The following SAMD3 variants were observed in gnomAD, a reference collection of about 807,000 sequenced individuals.
The protein encoded by SAMD3 is sterile alpha motif domain-containing protein 3.
In SAMD3, 63 loss-of-function variants were observed where a neutral mutation model predicts 58.5. The ratio of observed to expected loss-of-function variants is 1.08; its 90% CI spans 0.88 to 1.33. The LOEUF is 1.33. Among genes scored for constraint, SAMD3 ranks in the 40% most tolerant of loss-of-function variants. SAMD3 has a pLI of 0.00. For synonymous variants in SAMD3, 220 were observed against 210.3 expected (o/e 1.05, Z -0.40); for missense variants, 604 against 608.4 (o/e 0.99, Z 0.08).
chr6:130,340,185 C>T (rs1410049202), intron 1 of SAMD3, among the ~76,000 whole-genome samples: 1 of 152,176 alleles, frequency 6.6e-6, no homozygotes, highest in African/African-American at 2.4e-5. Flanking sequence ...TTAAGCAATG[C>T]AAATTTGTTT....
At chr6:130,240,262 T>A (rs1009401592) in intron 2 of SAMD3, among the ~76,000 whole-genome samples, 2 of 151,960 alleles carry the variant, frequency 1.3e-5, no homozygotes, top group Non-Finnish European at 2.9e-5. Context: ...TCCTCTGGAG[T>A]CCCAAGGCAC....
intron 4 of SAMD3, among the ~76,000 whole-genome samples, chr6:130,211,276 ATTTTTTTTTT>A (rs762531402): frequency 1.1e-5 from 1 of 93,840 alleles, no homozygotes; most frequent in Non-Finnish European, 2.3e-5. Context: ...GCCAATCAGA[ATTTTTTTTTT>A]TTTTTTTTTT....
chr6:130,216,982 T>C (rs984370029), intron 1 of SAMD3, among the ~76,000 whole-genome samples: 23 of 152,246 alleles, frequency 1.5e-4, no homozygotes, highest in African/African-American at 5.5e-4. Flanking sequence ...GATACTGCCT[T>C]GTAGTCATCG....
downstream of SAMD3, chr6:130,143,690 A>G (rs1394360988): frequency 6.6e-6 from 1 of 152,238 alleles, no homozygotes; most frequent in Non-Finnish European, 1.5e-5. Context: ...TCCAAAGCTA[A>G]TAAGTCATGT....
chr6:130,352,678 GCTCA>G (rs1241889281), intron 1 of SAMD3, among the ~76,000 whole-genome samples: 2 of 152,122 alleles, frequency 1.3e-5, no homozygotes, highest in Non-Finnish European at 2.9e-5. Flanking sequence ...TGGTCTTCAT[GCTCA>G]CTGAGTTAGA....
intron 2 of SAMD3, among the ~76,000 whole-genome samples, chr6:130,300,743 G>A (rs1310109920): frequency 6.6e-6 from 1 of 152,118 alleles, no homozygotes; most frequent in Non-Finnish European, 1.5e-5. Flanking sequence ...GGATTTCTCT[G>A]AAAGACTCCT....
chr6:130,363,989 T>G (rs1187954186), intron 1 of SAMD3, among the ~76,000 whole-genome samples: 1 of 152,198 alleles, frequency 6.6e-6, no homozygotes, highest in Non-Finnish European at 1.5e-5. Flanking sequence ...TGAGATTCCC[T>G]TGAGCACTCA....
At chr6:130,320,456 T>C (rs997821486) in intron 1 of SAMD3, among the ~76,000 whole-genome samples, 3 of 152,186 alleles carry the variant, frequency 2.0e-5, no homozygotes, top group African/African-American at 4.8e-5. Context: ...GAATGGAAAA[T>C]GGTCCTGCCA....
rs56707260 is a variant in SAMD3, at chr6:130,180,953, C to CTTTCTTTT, written c.654+3149_654+3150insAAAAGAAA. ...TTTTCTTTTTTCTTTTTCTTTCTTT[C>CTTTCTTTT]TTTTTTCTTTTGAGACGGAGTTCCG... On this transcript the variant is annotated intron_variant, in intron 7 of 11. Transcript: ENST00000439090. 8.5e-5 allele frequency among the ~76,000 whole-genome samples: 10 copies of CTTTCTTTT among 117,362 alleles called. 2 individuals are homozygous for CTTTCTTTT. Among genetic ancestry groups the CTTTCTTTT allele is most frequent in the Admixed American group, 1.8e-4 (2 of 10,962 alleles). The allele number at this position is 117,362 out of a possible 152,430, so 77.0% of individuals were successfully genotyped here.
chr6:130,144,230 C>T (rs1788411909), downstream of SAMD3: 2 of 378,386 alleles, frequency 5.3e-6, no homozygotes, highest in East Asian at 1.1e-4. Flanking sequence ...GATTTGAGTA[C>T]AGTGTATTTC....
rs199757748 is a variant in SAMD3 at position 130,349,203 on chromosome 6, T to G, written c.-304+15917A>C. On this transcript the variant is annotated intron_variant, in intron 1 of 13. Transcript: ENST00000368134. ...CAAGAGCAAACACATTCAAAAGCTA[T>G]CAGAAGGCAAGAAATAACTAAGATC... Among the ~76,000 whole-genome samples, 543 of 145,080 alleles carry G rather than the reference T, an allele frequency of 3.7e-3. 6 individuals carry two copies. Among genetic ancestry groups the G allele is most frequent in the African/African-American group, 0.012 (482 of 38,826 alleles).
chr6:130,233,883 T>C (rs547088685), intron 2 of SAMD3, among the ~76,000 whole-genome samples: 2 of 152,258 alleles, frequency 1.3e-5, no homozygotes, highest in Non-Finnish European at 2.9e-5. Context: ...GATAATCTTT[T>C]CATATACTCT....
At position 130,194,618 on chromosome 6, in the gene SAMD3, GT is replaced by G. The variant is rs575933934; in HGVS notation, c.384-9996del. 6.6e-5 allele frequency among the ~76,000 whole-genome samples: 10 copies of G among 152,294 alleles called. No individual in the cohort carries two copies. The East Asian group carries it at 1.9e-3, about 29-fold the overall frequency. On this transcript the variant is annotated intron_variant, in intron 5 of 11. Coordinates refer to ENST00000439090, the MANE Select transcript of SAMD3 (RefSeq NM_001017373.4). ...CTCCTCTCCCAGGAGCTTGCTACAA[GT>G]GCCAGAAATCTGGCCACTGGGCCAA... is the stretch of plus-strand genomic sequence containing the variant.
chr6:130,194,564 A>C (rs953128981), intron 5 of SAMD3, among the ~76,000 whole-genome samples: 12 of 152,186 alleles, frequency 7.9e-5, no homozygotes, highest in African/African-American at 2.9e-4. Context: ...AAATGCCTGA[A>C]CCACAGCGGC....
chr6:130,170,879 G>A (rs569952432), intron 8 of SAMD3, among the ~76,000 whole-genome samples: 10 of 152,242 alleles, frequency 6.6e-5, no homozygotes, highest in East Asian at 3.9e-4. Context: ...CAATCATGTC[G>A]TCTGCAAACA....
chr6:130,350,203 T>A (rs939894040), intron 1 of SAMD3, among the ~76,000 whole-genome samples: 3 of 152,142 alleles, frequency 2.0e-5, no homozygotes, highest in Admixed American at 6.6e-5. Flanking sequence ...TTCAACATAG[T>A]GTTAGAAGTT....
At chr6:130,240,428 C>T (rs1460943260) in intron 2 of SAMD3, among the ~76,000 whole-genome samples, 1 of 152,144 alleles carries the variant, frequency 6.6e-6, no homozygotes, top group African/African-American at 2.4e-5. Flanking sequence ...TAATCACAGA[C>T]GTCTGTGGGA....
At chr6:130,178,328 C>T (rs1207366743) in intron 7 of SAMD3, among the ~76,000 whole-genome samples, 1 of 150,810 alleles carries the variant, frequency 6.6e-6, no homozygotes. Context: ...TGCTGCTCTT[C>T]TCCGCTGCAA....
At chr6:130,248,353 A>G (rs1295203732) in intron 2 of SAMD3, among the ~76,000 whole-genome samples, 4 of 152,188 alleles carry the variant, frequency 2.6e-5, no homozygotes, top group East Asian at 3.8e-4. Flanking sequence ...GATCAAAACC[A>G]TGCTGCAGGG....
Sources: allele counts gnomAD v4.1 joint callset (sites outside exome capture counted in the v4.1 genomes callset), GRCh38; gene constraint gnomAD v4.1.1; transcripts MANE v1.5; gene names NCBI Gene and HGNC (gene_info 2026-07-23, HGNC 2026-07-21).